CCDC85A: variants seen among roughly 807,000 people sequenced by gnomAD.
CCDC85A encodes coiled-coil domain-containing protein 85A.
A neutral mutation model predicts 50.2 loss-of-function variants in CCDC85A; 38 were observed. The ratio of observed to expected loss-of-function variants is 0.76; its 90% CI spans 0.58 to 0.99. The LOEUF (loss-of-function observed/expected upper bound fraction) is 0.99. Ranked by LOEUF, CCDC85A falls within the 50% of genes least tolerant of loss-of-function variation. The probability of loss-of-function intolerance (pLI) is 0.00; values close to 1 mark genes in which losing one functional copy is unlikely to be tolerated. For missense variants in CCDC85A, 820 were observed against 742.0 expected (o/e 1.11, Z -1.22); for synonymous variants, 366 against 301.4 (o/e 1.21, Z -2.22).
intron 2 of CCDC85A, among the ~76,000 whole-genome samples, chr2:56,239,556 G>A (rs943906593): frequency 1.3e-5 from 2 of 152,048 alleles, no homozygotes; most frequent in African/African-American, 4.8e-5. Flanking sequence ...CTACACAGAG[G>A]CACACTATTT....
chr2:56,354,111 A>T (rs1179041881), intron 3 of CCDC85A, among the ~76,000 whole-genome samples: 1 of 152,396 alleles, frequency 6.6e-6, no homozygotes. Flanking sequence ...CAATAAAAGG[A>T]GGCATGACAT....
intron 2 of CCDC85A, among the ~76,000 whole-genome samples, chr2:56,293,680 T>C (rs1472386806): frequency 6.6e-6 from 1 of 152,060 alleles, no homozygotes; most frequent in Non-Finnish European, 1.5e-5. Flanking sequence ...AAGACATATA[T>C]GCAACCAACA....
intron 2 of CCDC85A, among the ~76,000 whole-genome samples, chr2:56,274,974 GTGTC>G (rs1270086220): frequency 1.3e-5 from 2 of 152,082 alleles, no homozygotes; most frequent in Non-Finnish European, 2.9e-5. Flanking sequence ...AAGCTCTCTG[GTGTC>G]TGTTCTTATA....
chr2:56,306,405 G>C (rs1312216090), intron 2 of CCDC85A, among the ~76,000 whole-genome samples: 1 of 152,126 alleles, frequency 6.6e-6, no homozygotes, highest in Non-Finnish European at 1.5e-5. Context: ...TGAGATTACA[G>C]GTGTAAGCCG....
At chr2:56,264,828 G>A (rs1487588814) in intron 2 of CCDC85A, among the ~76,000 whole-genome samples, 2 of 152,042 alleles carry the variant, frequency 1.3e-5, no homozygotes, top group Non-Finnish European at 2.9e-5. Flanking sequence ...TCCTCTCCAG[G>A]CCATCTTTGC....
intron 2 of CCDC85A, among the ~76,000 whole-genome samples, chr2:56,318,565 T>C (rs1392885973): frequency 6.6e-6 from 1 of 152,164 alleles, no homozygotes; most frequent in Non-Finnish European, 1.5e-5. Context: ...TCATTATATT[T>C]CAGCATCTGG....
chr2:56,230,893 G>C (rs559016741), intron 2 of CCDC85A, among the ~76,000 whole-genome samples: 27 of 152,262 alleles, frequency 1.8e-4, no homozygotes, highest in Admixed American at 2.6e-4. Context: ...AATTATTTCA[G>C]GTTCAGAGTC....
At chr2:56,374,952 G>T (rs1257734437) in intron 4 of CCDC85A, among the ~76,000 whole-genome samples, 1 of 152,208 alleles carries the variant, frequency 6.6e-6, no homozygotes, top group African/African-American at 2.4e-5. Flanking sequence ...CTGTAAATAG[G>T]TTGATAGGCA....
rs549155091 is a variant in CCDC85A at position 56,210,004 on chromosome 2, G to A, written c.1240+16564G>A. Among the ~76,000 whole-genome samples, 39 of 152,140 alleles carry A rather than the reference G, an allele frequency of 2.6e-4. 1 individual carries two copies. In the South Asian group the frequency reaches 7.7e-3, roughly 30 times the overall value. The stretch of plus-strand genomic sequence containing the variant: ...AGATACAGAACTAGAGCACATCCTG[G>A]AATGTTTTTGGAGATATCTCAGTCC... On this transcript the variant is annotated intron_variant, in intron 2 of 5. Coordinates refer to ENST00000407595, the MANE Select transcript of CCDC85A (RefSeq NM_001080433.2).
At chr2:56,346,759 C>A in intron 3 of CCDC85A, among the ~76,000 whole-genome samples, 1 of 152,206 alleles carries the variant, frequency 6.6e-6, no homozygotes, top group Admixed American at 6.5e-5. Context: ...TTAGGATATT[C>A]TTCCGAGCAC....
At chr2:56,335,490 T>C (rs567822678) in intron 2 of CCDC85A, among the ~76,000 whole-genome samples, 1 of 152,224 alleles carries the variant, frequency 6.6e-6, no homozygotes, top group South Asian at 2.1e-4. Context: ...ATTTATTAGC[T>C]CACAGTTCTA....
upstream of CCDC85A, chr2:56,183,936 A>G: frequency 2.0e-6 from 2 of 985,392 alleles, no homozygotes; most frequent in Non-Finnish European, 2.4e-6. Flanking sequence ...GCTGCGGGTT[A>G]CGGGTGGCCC....
chr2:56,288,698 C>G (rs3032188), intron 2 of CCDC85A, among the ~76,000 whole-genome samples: 27,268 of 151,866 alleles, frequency 0.18, 3,113 homozygotes, highest in East Asian at 0.32. Flanking sequence ...ATGCCCCCCC[C>G]ACCCCAAAAA....
At chr2:56,351,161 G>A (rs1325165478) in intron 3 of CCDC85A, among the ~76,000 whole-genome samples, 1 of 150,816 alleles carries the variant, frequency 6.6e-6, no homozygotes, top group East Asian at 2.0e-4. Context: ...TTTCATCCAT[G>A]TCCCTACAAA....
At position 56,193,374 on chromosome 2, in the gene CCDC85A, A is replaced by G. The variant is rs1676393620; in HGVS notation, c.1174A>G (p.Thr392Ala). Residue 392 changes from threonine (T) to alanine (A), a missense_variant, in exon 2 of 6, where the codon ACC becomes GCC. Physicochemically the swap from Thr to Ala is moderately conservative, Grantham distance 58 (BLOSUM62 0). Transcript: ENST00000407595. ...GGSGGGSREGTLRRQAQEDGS... is the reference protein window; with the variant it reads ...GGSGGGSREGALRRQAQEDGS... The stretch of plus-strand genomic sequence containing the variant: ...CAGCGGCGGAGGCAGCAGGGAGGGC[A>G]CCCTCAGACGGCAGGCACAGGAGGA... 7.4e-6 allele frequency: 12 copies of G among 1,611,202 alleles called. No homozygotes were observed. Among genetic ancestry groups the G allele is most frequent in the Non-Finnish European group, 9.3e-6 (11 of 1,178,650 alleles).
At chr2:56,286,547 A>G (rs371501372) in intron 2 of CCDC85A, among the ~76,000 whole-genome samples, 4 of 152,230 alleles carry the variant, frequency 2.6e-5, no homozygotes, top group African/African-American at 9.6e-5. Context: ...ACTTTTTACT[A>G]CTAGAATTGG....
chr2:56,302,526 T>C (rs1192767485), intron 2 of CCDC85A, among the ~76,000 whole-genome samples: 1 of 152,188 alleles, frequency 6.6e-6, no homozygotes, highest in Non-Finnish European at 1.5e-5. Flanking sequence ...CTCTAGAATT[T>C]TGGAACAGAA....
intron 2 of CCDC85A, among the ~76,000 whole-genome samples, chr2:56,220,338 T>C (rs1190846981): frequency 6.6e-6 from 1 of 152,050 alleles, no homozygotes; most frequent in Non-Finnish European, 1.5e-5. Context: ...ATAGATATTT[T>C]AGGATTTTTT....
At chr2:56,241,817 T>C (rs761871976) in intron 2 of CCDC85A, among the ~76,000 whole-genome samples, 1 of 152,240 alleles carries the variant, frequency 6.6e-6, no homozygotes, top group Non-Finnish European at 1.5e-5. Context: ...TTTGATATAC[T>C]GATTTCCTTT....
Sources: gnomAD v4.1 joint callset for allele counts (sites outside exome capture counted in the v4.1 genomes callset) on GRCh38, gnomAD v4.1.1 for gene constraint, MANE v1.5 for transcripts, NCBI Gene and HGNC (gene_info 2026-07-23, HGNC 2026-07-21) for gene names.